DOP1B: variants seen among roughly 807,000 people sequenced by gnomAD.
The protein encoded by DOP1B is protein DOP1B.
Under a neutral mutation model 233.5 loss-of-function variants are expected in DOP1B, and 174 were observed. The observed-to-expected ratio is 0.75, with a 90% CI of 0.66 to 0.85. DOP1B has a LOEUF of 0.85. Ranked by LOEUF, DOP1B falls within the 40% of genes least tolerant of loss-of-function variation. The probability of loss-of-function intolerance (pLI) is 0.00; values close to 1 mark genes in which losing one functional copy is unlikely to be tolerated. For synonymous variants in DOP1B, 1,190 were observed against 1,185.6 expected (o/e 1.00, Z -0.08); for missense variants, 2,652 against 2,846.6 (o/e 0.93, Z 1.56).
intron 15 of DOP1B, among the ~76,000 whole-genome samples, chr21:36,234,729 C>T (rs564809361): frequency 1.6e-4 from 24 of 151,944 alleles, no homozygotes; most frequent in African/African-American, 3.6e-4. Flanking sequence ...TTAGTAGAGA[C>T]GGGGTTTTAC....
intron 4 of DOP1B, 130 bp from the exon 5 acceptor site, chr21:36,208,585 A>T (rs2066455787): frequency 3.2e-6 from 3 of 935,822 alleles, no homozygotes; most frequent in African/African-American, 1.7e-5. Context: ...GCTCCCGGCG[A>T]TGAGGAAGGT....
In DOP1B at chr21:36,246,003, C is replaced by G. The variant is rs1369732884; in HGVS notation, c.4023C>G (p.Asn1341Lys). Residue 1341 changes from asparagine (N) to lysine (K), a missense_variant, in exon 19 of 37, where the codon AAC becomes AAG. Around this residue, in one of 3 missense-constraint regions of DOP1B, gnomAD observed 2,617 missense variants for 2,794.3 expected, o/e 0.94. Coordinates refer to ENST00000691173, the MANE Select transcript of DOP1B (RefSeq NM_001320714.2). The surrounding 1 kb of genome is among the most constrained non-coding windows in gnomAD (Gnocchi z 5.1). ...LKVSHRDILG[N>K]RDVQVKSVEV... is the part of the protein sequence containing the mutation. ...TCTCGCACCGAGACATTCTCGGCAA[C>G]CGGGACGTGCAGGTCAAAAGTGTCG... 6.2e-7 allele frequency: 1 copy of G among 1,614,072 alleles called. No homozygotes were observed. The highest frequency in any genetic ancestry group is 1.7e-5 in the Admixed American group (1 of 60,006).
intron 14 of DOP1B, among the ~76,000 whole-genome samples, chr21:36,231,674 TTTTTG>T (rs2066766206): frequency 1.3e-5 from 2 of 149,904 alleles, no homozygotes; most frequent in African/African-American, 5.0e-5. Context: ...GTGTTGGGTT[TTTTTG>T]TTTTTTTTTT....
intron 1 of DOP1B, among the ~76,000 whole-genome samples, chr21:36,161,957 A>C (rs1213123276): frequency 6.6e-6 from 1 of 152,188 alleles, no homozygotes. Context: ...CCATTGCCTC[A>C]GCGTTCCTTT....
At chr21:36,235,692 C>T (rs1320704913) in intron 15 of DOP1B, among the ~76,000 whole-genome samples, 1 of 152,114 alleles carries the variant, frequency 6.6e-6, no homozygotes, top group Non-Finnish European at 1.5e-5. Context: ...CGTGCCACTG[C>T]ACTCCAGCCT....
intron 14 of DOP1B, among the ~76,000 whole-genome samples, chr21:36,231,339 G>A (rs938002719): frequency 8.5e-5 from 13 of 152,184 alleles, no homozygotes; most frequent in Admixed American, 2.6e-4. Context: ...TCCAGTGACT[G>A]TTTCCTTCGA....
Position 36,248,397 on chromosome 21 carries a change from TC to T in DOP1B, c.4829del (p.Pro1610LeufsTer4). 6.2e-7 allele frequency: 1 copy of T among 1,613,858 alleles called. No individual in the cohort carries two copies. The highest frequency in any genetic ancestry group is 8.5e-7 in the Non-Finnish European group (1 of 1,179,932). ...ATTTTTAGACCATGGCTGCAGGTGA[TC>T]CTGCCAACTTGAGGAATGCCAGAAA... ...QNKKTMAAGD[P>X]ANLRNARNAI... On this transcript the variant is annotated frameshift_variant, in exon 21 of 37. Coordinates refer to ENST00000691173, the MANE Select transcript of DOP1B (RefSeq NM_001320714.2). LOFTEE classifies it high-confidence loss of function.
At chr21:36,200,670 T>C (rs557877553) in intron 4 of DOP1B, among the ~76,000 whole-genome samples, 169 bp downstream of exon 4, 5 of 152,254 alleles carry the variant, frequency 3.3e-5, no homozygotes, top group African/African-American at 1.2e-4. Flanking sequence ...GATGAAACCC[T>C]GCCTCTACTA....
At chr21:36,236,962 T>A (rs896196537) in intron 15 of DOP1B, among the ~76,000 whole-genome samples, 22 of 151,868 alleles carry the variant, frequency 1.4e-4, no homozygotes, top group African/African-American at 5.3e-4. Flanking sequence ...TTTTTGTATT[T>A]TTAGTAGAGT....
intron 21 of DOP1B, among the ~76,000 whole-genome samples, 195 bp from the exon 22 acceptor site, chr21:36,250,967 A>G (rs989058659): frequency 1.3e-5 from 2 of 152,122 alleles, no homozygotes; most frequent in African/African-American, 4.8e-5. Flanking sequence ...AACATCACAC[A>G]TCTAGCTCCT....
chr21:36,240,114 GAT>G (rs2066876467), intron 18 of DOP1B, among the ~76,000 whole-genome samples, 159 bp downstream of exon 18: 1 of 152,176 alleles, frequency 6.6e-6, no homozygotes, highest in Non-Finnish European at 1.5e-5. Flanking sequence ...AGGACCTAGT[GAT>G]CTAGCATTTA....
intron 7 of DOP1B, among the ~76,000 whole-genome samples, 185 bp from the exon 8 acceptor site, chr21:36,213,896 C>A (rs2066528962): frequency 6.6e-6 from 1 of 152,012 alleles, no homozygotes; most frequent in Admixed American, 6.6e-5. Flanking sequence ...GGAATTCTGC[C>A]TGTCTGATCA....
chr21:36,183,413 A>G (rs898071229), intron 2 of DOP1B, among the ~76,000 whole-genome samples: 8 of 152,228 alleles, frequency 5.3e-5, no homozygotes, highest in Non-Finnish European at 8.8e-5. Flanking sequence ...TCTGTTCTTT[A>G]CAGCCACACA....
intron 19 of DOP1B, among the ~76,000 whole-genome samples, chr21:36,247,123 C>T (rs78085570): frequency 1.3e-5 from 2 of 152,104 alleles, no homozygotes; most frequent in Non-Finnish European, 2.9e-5. Flanking sequence ...CAGGCAATCC[C>T]CCTGCCTCGG....
chr21:36,179,384 G>T (rs2066068744), intron 2 of DOP1B, among the ~76,000 whole-genome samples: 1 of 152,098 alleles, frequency 6.6e-6, no homozygotes, highest in Admixed American at 6.6e-5. Context: ...TTTCACTTTG[G>T]TCATTTTAAT....
intron 15 of DOP1B, among the ~76,000 whole-genome samples, chr21:36,235,830 C>A (rs2066818408): frequency 7.2e-6 from 1 of 139,630 alleles, no homozygotes; most frequent in South Asian, 2.3e-4. Flanking sequence ...GAGTCTCTTG[C>A]ATATATATTT....
intron 19 of DOP1B, among the ~76,000 whole-genome samples, chr21:36,247,194 A>G (rs768621319): frequency 3.3e-5 from 5 of 152,082 alleles, no homozygotes; most frequent in Non-Finnish European, 5.9e-5. Context: ...CCTTTATTTC[A>G]AATCCGCACA....
At chr21:36,164,582 C>T in intron 1 of DOP1B, 126 bp from the exon 2 acceptor site, 2 of 603,374 alleles carry the variant, frequency 3.3e-6, no homozygotes, top group Non-Finnish European at 5.1e-6. Flanking sequence ...AATATTTGAA[C>T]AGGATTGCCC....
chr21:36,283,888 C>T (rs1451572104), intron 32 of DOP1B, among the ~76,000 whole-genome samples: 1 of 151,014 alleles, frequency 6.6e-6, no homozygotes, highest in Non-Finnish European at 1.5e-5. Flanking sequence ...GGCAATGTAC[C>T]TGATAACCCT....
Sources: gnomAD v4.1 joint callset for allele counts (sites outside exome capture counted in the v4.1 genomes callset) on GRCh38, gnomAD v4.1.1 for gene constraint, gnomAD v4.1.1 regional missense constraint, Gnocchi (gnomAD v3.1) non-coding constraint, MANE v1.5 for transcripts, NCBI Gene and HGNC (gene_info 2026-07-23, HGNC 2026-07-21) for gene names.